Variants in IGF1R observed in about 807,000 individuals in gnomAD.
IGF1R encodes insulin-like growth factor 1 receptor.
Under a neutral mutation model 144.6 loss-of-function variants are expected in IGF1R, and 44 were observed. The ratio of observed to expected loss-of-function variants is 0.30; its 90% CI spans 0.24 to 0.39. The LOEUF (loss-of-function observed/expected upper bound fraction) is 0.39. Ranked by LOEUF, IGF1R falls within the 10% of genes least tolerant of loss-of-function variation. The pLI is 1.00. For synonymous variants in IGF1R, 795 were observed against 722.8 expected (o/e 1.10, Z -1.60); for missense variants, 1,355 against 1,833.7 (o/e 0.74, Z 4.77).
intron 12 of IGF1R, 103 bp downstream of exon 12, chr15:98,924,115 A>G (rs965819595): frequency 1.4e-5 from 16 of 1,172,668 alleles, no homozygotes; most frequent in Non-Finnish European, 2.0e-5. Context: ...AGGACTTAAA[A>G]CAATAAAATC....
intron 1 of IGF1R, among the ~76,000 whole-genome samples, chr15:98,670,503 CA>C (rs927679188): frequency 1.3e-5 from 2 of 151,128 alleles, no homozygotes; most frequent in Non-Finnish European, 3.0e-5. Context: ...TTCTTAAGAG[CA>C]AAAAAAATCC....
rs540159497 is a variant in IGF1R, at chr15:98,916,386, C to T, written c.1996+255C>T. 7.2e-6 allele frequency: 4 copies of T among 555,496 alleles called. No homozygotes were observed. The East Asian group carries it at 9.6e-5, about 13-fold the overall frequency. The allele number at this position is 555,496 out of a possible 1,614,324, so 34.4% of individuals were successfully genotyped here. A position where few individuals can be genotyped will look rare whatever the true frequency, so the allele number is the denominator to read the frequency against. On this transcript the variant is annotated intron_variant, in intron 9 of 20. Coordinates refer to ENST00000650285, the MANE Select transcript of IGF1R (RefSeq NM_000875.5). ...AAGCATTTCTCATTCCCCAGCATTC[C>T]GAGTAGCTGGGATTACAGGCATGCA...
intron 10 of IGF1R, among the ~76,000 whole-genome samples, chr15:98,920,010 T>A (rs1407429546): frequency 6.6e-6 from 1 of 152,264 alleles, no homozygotes. Context: ...TTTGTAAAAC[T>A]TACTAGTTTC....
chr15:98,892,988 G>A (rs1009722299), intron 3 of IGF1R, among the ~76,000 whole-genome samples: 1 of 152,212 alleles, frequency 6.6e-6, no homozygotes, highest in African/African-American at 2.4e-5. Context: ...CTGCACTCCA[G>A]CACAGGCAAC....
intron 2 of IGF1R, among the ~76,000 whole-genome samples, chr15:98,763,724 C>G (rs2055364459): frequency 6.6e-6 from 1 of 152,138 alleles, no homozygotes; most frequent in South Asian, 2.1e-4. Context: ...TCTTTTGTGC[C>G]TTCATTTTGA....
intron 2 of IGF1R, among the ~76,000 whole-genome samples, chr15:98,889,793 T>G (rs529011672): frequency 6.6e-6 from 1 of 152,366 alleles, no homozygotes; most frequent in East Asian, 1.9e-4. Flanking sequence ...TTTAATCATG[T>G]ATTTTTATTA....
rs149545680 is a variant in IGF1R, at chr15:98,934,215, G to A, written c.2957-609G>A. ...CAGGAGTCCCATGTAGGGACCAGCT[G>A]CCATGTTAGATAGCCCAGGCATAGC... On this transcript the variant is annotated intron_variant, in intron 15 of 20. Transcript: ENST00000650285. Among the ~76,000 whole-genome samples the A allele has an allele frequency of 1.5e-4, 23 of 151,292 alleles. 1 individual carries two copies. In the East Asian group the frequency reaches 4.5e-3, roughly 30 times the overall value.
At chr15:98,700,118 C>G (rs772708496) in intron 1 of IGF1R, among the ~76,000 whole-genome samples, 8 of 152,024 alleles carry the variant, frequency 5.3e-5, no homozygotes, top group Non-Finnish European at 1.0e-4. Flanking sequence ...TTGTCTTTTT[C>G]CCTCTTTTCT....
chr15:98,909,911 T>C (rs530479037), intron 6 of IGF1R, among the ~76,000 whole-genome samples: 7 of 152,288 alleles, frequency 4.6e-5, no homozygotes, highest in African/African-American at 1.4e-4. Context: ...GGCGTGGCTC[T>C]CTGGCTGGAT....
chr15:98,805,163 G>T (rs2056444738), intron 2 of IGF1R, among the ~76,000 whole-genome samples: 1 of 152,156 alleles, frequency 6.6e-6, no homozygotes, highest in African/African-American at 2.4e-5. Context: ...GGTGTTATCG[G>T]AGCATTACAG....
intron 2 of IGF1R, among the ~76,000 whole-genome samples, chr15:98,866,149 C>T (rs1330056859): frequency 1.3e-5 from 2 of 152,212 alleles, no homozygotes; most frequent in African/African-American, 4.8e-5. Flanking sequence ...CTGTTCCACG[C>T]GAGCACCCCA....
At chr15:98,800,945 T>A (rs1355322114) in intron 2 of IGF1R, among the ~76,000 whole-genome samples, 2 of 152,232 alleles carry the variant, frequency 1.3e-5, no homozygotes, top group Non-Finnish European at 2.9e-5. Flanking sequence ...GCAATTCAGA[T>A]TAGACTTTTT....
intron 2 of IGF1R, among the ~76,000 whole-genome samples, chr15:98,751,186 T>TA (rs1265755318): frequency 6.6e-6 from 1 of 152,174 alleles, no homozygotes; most frequent in Non-Finnish European, 1.5e-5. Flanking sequence ...TTCAGCGACA[T>TA]ACACTCCTTA....
chr15:98,699,977 A>G (rs1333922748), intron 1 of IGF1R, among the ~76,000 whole-genome samples: 1 of 152,210 alleles, frequency 6.6e-6, no homozygotes, highest in Non-Finnish European at 1.5e-5. Context: ...GGGAATGTAT[A>G]TATACAACGT....
intron 1 of IGF1R, among the ~76,000 whole-genome samples, chr15:98,661,895 C>T (rs2052607078): frequency 6.6e-6 from 1 of 150,950 alleles, no homozygotes; most frequent in Non-Finnish European, 1.5e-5. Flanking sequence ...TGGGCTCTCT[C>T]TGGGGCCTCC....
intron 2 of IGF1R, among the ~76,000 whole-genome samples, chr15:98,716,474 C>A (rs145991252): frequency 6.6e-6 from 1 of 152,160 alleles, no homozygotes; most frequent in African/African-American, 2.4e-5. Context: ...GAAGAAGGAA[C>A]CCCAAGTAGA....
chr15:98,653,712 ATTG>A (rs1466883953), intron 1 of IGF1R, among the ~76,000 whole-genome samples: 1 of 152,212 alleles, frequency 6.6e-6, no homozygotes, highest in East Asian at 1.9e-4. Context: ...CTAGAGAATA[ATTG>A]TTGTTTACAT....
chr15:98,901,264 T>G (rs1224253129), intron 5 of IGF1R, among the ~76,000 whole-genome samples: 3 of 152,228 alleles, frequency 2.0e-5, no homozygotes, highest in Non-Finnish European at 4.4e-5. Flanking sequence ...CCTTGGGTTT[T>G]CCCTGCTGCT....
chr15:98,938,615 A>G (rs918092098), intron 17 of IGF1R, among the ~76,000 whole-genome samples: 1 of 152,240 alleles, frequency 6.6e-6, no homozygotes. Context: ...TAATGCCGAC[A>G]GAAAATAATA....
Sources: allele counts gnomAD v4.1 joint callset (sites outside exome capture counted in the v4.1 genomes callset), GRCh38; gene constraint gnomAD v4.1.1; transcripts MANE v1.5; gene names NCBI Gene and HGNC (gene_info 2026-07-23, HGNC 2026-07-21).